Variants in FER1L6 observed in about 807,000 individuals in gnomAD.
FER1L6 encodes fer-1 like family member 6.
Under a neutral mutation model 219.2 loss-of-function variants are expected in FER1L6, and 177 were observed. That is an observed-to-expected ratio of 0.81 (90% CI 0.71 to 0.91). FER1L6 has a LOEUF of 0.91. Ranked by LOEUF, FER1L6 falls within the 40% of genes least tolerant of loss-of-function variation. The pLI, the probability that FER1L6 is intolerant of heterozygous loss-of-function variation, is 0.00. For synonymous variants in FER1L6, 768 were observed against 824.3 expected, an observed-to-expected ratio of 0.93 and a Z score of 1.17; for missense variants, 2,153 against 2,259.9, an observed-to-expected ratio of 0.95 and a Z score of 0.96.
In FER1L6 at chr8:123,853,167, C is replaced by CT. The variant is rs113010872; in HGVS notation, c.-8+989dup. 2.1e-4 allele frequency among the ~76,000 whole-genome samples: 32 copies of CT among 151,766 alleles called. No homozygotes were observed. The East Asian group carries it at 3.7e-3, about 18-fold the overall frequency. On this transcript the variant is annotated intron_variant, in intron 1 of 40. Coordinates refer to ENST00000522917, the MANE Select transcript of FER1L6 (RefSeq NM_001039112.2). The surrounding 1 kb of genome is among the most constrained non-coding windows in gnomAD (Gnocchi z 6.6). The stretch of plus-strand genomic sequence containing the variant: ...CCTCAGACTTTAAAATAGACGAAAT[C>CT]TTTTTTTGAGACAGTCTCACTCTAT...
intron 34 of FER1L6, among the ~76,000 whole-genome samples, chr8:124,092,008 G>T (rs1822055822): frequency 6.7e-6 from 1 of 148,964 alleles, no homozygotes; most frequent in African/African-American, 2.5e-5. Context: ...GCTTATAGTA[G>T]AAAATGTGGA....
In FER1L6 at chr8:124,003,349, T is replaced by C. The variant is rs909107104; in HGVS notation, c.1700+2T>C. 1 of 1,607,728 alleles carries C rather than the reference T, an allele frequency of 6.2e-7. No homozygotes were observed. Among genetic ancestry groups the C allele is most frequent in the African/African-American group, 1.3e-5 (1 of 74,508 alleles). On this transcript the variant is annotated splice_donor_variant, in intron 13 of 40. Coordinates refer to ENST00000522917, the MANE Select transcript of FER1L6 (RefSeq NM_001039112.2). LOFTEE classifies it high-confidence loss of function. ...GCCACTGGTGACAGAAGGGAACAGG[T>C]AGGAGACATAGCCTGGGAGAACAGT...
chr8:124,004,115 C>CAAAAAAAAAAAAA (rs80310802), intron 13 of FER1L6: 1 of 78,486 alleles, frequency 1.3e-5, no homozygotes, highest in Non-Finnish European at 2.5e-5. Flanking sequence ...CTGAAAGACT[C>CAAAAAAAAAAAAA]AAAAAAAAAA....
chr8:123,922,082 A>G (rs992005643), intron 1 of FER1L6, among the ~76,000 whole-genome samples: 1 of 152,206 alleles, frequency 6.6e-6, no homozygotes, highest in Non-Finnish European at 1.5e-5. Context: ...GGTGGTTTCC[A>G]GTGTAAATCC....
chr8:124,076,461 G>A, intron 32 of FER1L6, 136 bp downstream of exon 32: 1 of 832,552 alleles, frequency 1.2e-6, no homozygotes, highest in Non-Finnish European at 1.9e-6. Context: ...TTCTGCTCTT[G>A]GTAATAACCA....
intron 1 of FER1L6, among the ~76,000 whole-genome samples, chr8:123,915,025 G>T (rs896513934): frequency 6.7e-6 from 1 of 149,376 alleles, no homozygotes. Context: ...AACTATAAAA[G>T]GTATTACATG....
chr8:124,001,248 C>G (rs1045298746), intron 12 of FER1L6, among the ~76,000 whole-genome samples: 3 of 152,184 alleles, frequency 2.0e-5, no homozygotes, highest in African/African-American at 7.2e-5. Context: ...TTCTCATTGT[C>G]TCTTACTATA....
intron 34 of FER1L6, among the ~76,000 whole-genome samples, chr8:124,092,731 T>A (rs1004081882): frequency 2.6e-5 from 4 of 152,154 alleles, no homozygotes; most frequent in African/African-American, 9.7e-5. Flanking sequence ...CATGGTAGCA[T>A]CCGCTTGGCT....
rs748236311 is a variant in FER1L6 at position 124,060,588 on chromosome 8, T to C, written c.3026T>C (p.Leu1009Pro). The C allele has an allele frequency of 6.8e-6, 11 of 1,613,726 alleles. No homozygotes were observed. The highest frequency in any genetic ancestry group is 2.2e-5 in the East Asian group (1 of 44,870). Residue 1009 changes from leucine to proline, a missense_variant, in exon 24 of 41, where the codon CTC (leucine) becomes CCC (proline). Transcript: ENST00000522917. ...WGVREMKKVQLLSVDRPQALI... is the reference protein window; with the variant it reads ...WGVREMKKVQPLSVDRPQALI... The stretch of plus-strand genomic sequence containing the variant: ...GTTCGGGAAATGAAGAAGGTGCAGC[T>C]CCTCTCTGTGGATCGGCCTCAGGCT...
Position 124,003,270 on chromosome 8 carries a change from G to A in FER1L6, c.1623G>A (p.Gly541=), listed in dbSNP as rs1817500139. Residue 541 remains glycine (G), a synonymous_variant, in exon 13 of 41, where the codon GGG becomes GGA. Coordinates refer to ENST00000522917, the MANE Select transcript of FER1L6 (RefSeq NM_001039112.2). ...DLLPLLHEGQ[G]DVAHDVPIPM... ...TTCCACTGCTTCACGAAGGGCAAGG[G>A]GATGTGGCCCATGATGTTCCCATTC... The A allele has an allele frequency of 1.9e-6, 3 of 1,613,990 alleles. No homozygotes were observed. The highest frequency in any genetic ancestry group is 4.5e-5 in the East Asian group (2 of 44,866).
chr8:124,007,697 A>G (rs16899189), intron 13 of FER1L6, among the ~76,000 whole-genome samples: 1 of 151,996 alleles, frequency 6.6e-6, no homozygotes, highest in Admixed American at 6.6e-5. Flanking sequence ...TCCTCTTGCC[A>G]TTTTTAGCCA....
Position 124,049,631 on chromosome 8 carries a change from A to G in FER1L6, c.2749A>G (p.Thr917Ala). 6.2e-7 allele frequency: 1 copy of G among 1,613,954 alleles called. No homozygotes were observed. Among genetic ancestry groups the G allele is most frequent in the Non-Finnish European group, 8.5e-7 (1 of 1,179,972 alleles). Residue 917 changes from threonine (T) to alanine (A), a missense_variant, in exon 22 of 41, where the codon ACA (threonine) becomes GCA (alanine). By Grantham distance (58) the Thr-to-Ala change is moderately conservative. Coordinates refer to ENST00000522917, the MANE Select transcript of FER1L6 (RefSeq NM_001039112.2). ...AVGKPEYLGATVAAPVVKLAD... is the reference protein window; with the variant it reads ...AVGKPEYLGAAVAAPVVKLAD... ...GGGGAAGCCAGAATATTTGGGTGCC[A>G]CAGTGGCTGCTCCTGTTGTGAAGCT... is the stretch of plus-strand genomic sequence containing the variant.
chr8:123,856,316 G>GTATGTATGTATGTATATATA (rs1554608010), intron 1 of FER1L6, among the ~76,000 whole-genome samples: 1 of 45,112 alleles, frequency 2.2e-5, no homozygotes, highest in African/African-American at 8.7e-5. Flanking sequence ...ATATGTATGT[G>GTATGTATGTATGTATATATA]TATATATATA....
intron 12 of FER1L6, among the ~76,000 whole-genome samples, chr8:123,986,879 T>C (rs1816610338): frequency 6.6e-6 from 1 of 152,178 alleles, no homozygotes; most frequent in Admixed American, 6.5e-5. Context: ...TAGTACTCCA[T>C]TGTGTATCTG....
chr8:124,045,840 T>G lies in FER1L6; in HGVS notation c.2663T>G (p.Val888Gly). The G allele has an allele frequency of 1.2e-6, 2 of 1,614,102 alleles. No homozygotes were observed. The highest frequency in any genetic ancestry group is 3.3e-4 in the Middle Eastern group (2 of 6,060). ...LFNDLVLHGD[V>G]KELAESPPLV... Reference sequence around the variant, plus strand: ...AATGATTTGGTGCTGCATGGAGATGTGAAGGAGCTGGCAGAGTCCCCGCCC... The same window carrying G: ...AATGATTTGGTGCTGCATGGAGATGGGAAGGAGCTGGCAGAGTCCCCGCCC... Residue 888 changes from valine (V) to glycine (G), a missense_variant, in exon 21 of 41, where the codon GTG becomes GGG. Val to Gly is a moderately radical substitution (Grantham distance 109). Transcript: ENST00000522917.
At chr8:123,913,117 G>A (rs1377700213) in intron 1 of FER1L6, among the ~76,000 whole-genome samples, 1 of 151,938 alleles carries the variant, frequency 6.6e-6, no homozygotes, top group East Asian at 1.9e-4. Context: ...TTGTTTCTGG[G>A]AGGATACTCA....
chr8:123,854,691 CA>C (rs1380360629), intron 1 of FER1L6, among the ~76,000 whole-genome samples: 2 of 152,046 alleles, frequency 1.3e-5, no homozygotes, highest in Non-Finnish European at 2.9e-5. Flanking sequence ...GGGCTCTCAG[CA>C]GAACAAAGAA....
At chr8:123,872,027 G>T (rs1816931695) in intron 1 of FER1L6, among the ~76,000 whole-genome samples, 1 of 152,164 alleles carries the variant, frequency 6.6e-6, no homozygotes, top group African/African-American at 2.4e-5. Context: ...ACAGGTATTT[G>T]CTTCTGGAGA....
chr8:124,059,612 A>C (rs897479327), intron 22 of FER1L6, among the ~76,000 whole-genome samples: 1 of 152,198 alleles, frequency 6.6e-6, no homozygotes, highest in Non-Finnish European at 1.5e-5. Context: ...ATTAACCCCA[A>C]GTGCACAAGA....
Sources: allele counts gnomAD v4.1 joint callset (sites outside exome capture counted in the v4.1 genomes callset), GRCh38; gene constraint gnomAD v4.1.1; non-coding constraint Gnocchi (gnomAD v3.1); transcripts MANE v1.5; gene names NCBI Gene and HGNC (gene_info 2026-07-23, HGNC 2026-07-21).